The following FNDC3B variants were observed in gnomAD, a reference collection of about 807,000 sequenced individuals.
FNDC3B encodes the protein fibronectin type III domain containing 3B, also known as fibronectin type III domain-containing protein 3B.
FNDC3B carries 12 observed loss-of-function variants against 151.5 expected under a neutral mutation model. That is an observed-to-expected ratio of 0.08 (90% CI 0.05 to 0.13). The LOEUF (loss-of-function observed/expected upper bound fraction) is 0.13. FNDC3B is among the 10% of genes least tolerant of loss of function. The pLI is 1.00. For missense variants in FNDC3B, 1,214 were observed against 1,505.3 expected, an observed-to-expected ratio of 0.81 and a Z score of 3.20; for synonymous variants, 528 against 549.0, an observed-to-expected ratio of 0.96 and a Z score of 0.54.
intron 23 of FNDC3B, among the ~76,000 whole-genome samples, chr3:172,373,282 G>A (rs150425243): frequency 6.6e-6 from 1 of 152,304 alleles, no homozygotes; most frequent in East Asian, 1.9e-4. Flanking sequence ...TTGAAGCAAT[G>A]CACACTGAAG....
intron 1 of FNDC3B, among the ~76,000 whole-genome samples, chr3:172,089,207 C>A (rs952605309): frequency 6.6e-6 from 1 of 152,038 alleles, no homozygotes; most frequent in Non-Finnish European, 1.5e-5. Flanking sequence ...TAGTTCAGCA[C>A]AAATTATTAT....
rs138894067 is a variant in FNDC3B, at chr3:172,266,765, A to T, written c.790+15224A>T. Among the ~76,000 whole-genome samples, 134 of 152,280 alleles carry T rather than the reference A, an allele frequency of 8.8e-4. 1 individual carries two copies. Among genetic ancestry groups the T allele is most frequent in the African/African-American group, 3.0e-3 (125 of 41,546 alleles). ...TTAAGTCTTCCTCTGTCTCTGCCTT[A>T]TAAGAATACATGTGATCTCATTTAG... On this transcript the variant is annotated intron_variant, in intron 6 of 25. Transcript: ENST00000415807.
rs191337831 is a variant in FNDC3B, at chr3:172,296,111, T to G, written c.1001+597T>G. On this transcript the variant is annotated intron_variant, in intron 8 of 25. Coordinates refer to ENST00000415807, the MANE Select transcript of FNDC3B (RefSeq NM_022763.4). ...CTGTGTTCTAAATGTGAGAAAAATT[T>G]TAGGGCCACGTCTTTCTTCTTTGTA... is the stretch of plus-strand genomic sequence containing the variant. Among the ~76,000 whole-genome samples the G allele has an allele frequency of 5.8e-4, 89 of 152,308 alleles. 1 individual carries two copies. The highest frequency in any genetic ancestry group is 4.6e-3 in the Admixed American group (71 of 15,300).
At chr3:172,226,592 A>G (rs1726593981) in intron 3 of FNDC3B, among the ~76,000 whole-genome samples, 1 of 152,160 alleles carries the variant, frequency 6.6e-6, no homozygotes, top group Non-Finnish European at 1.5e-5. Flanking sequence ...TAACTGAGCA[A>G]TCTTGGTTTA....
In FNDC3B at chr3:172,341,095, A is replaced by T. The variant is rs757243796; in HGVS notation, c.1853-18A>T. The T allele has an allele frequency of 6.5e-7, 1 of 1,545,292 alleles. No individual in the cohort carries two copies. Among genetic ancestry groups the T allele is most frequent in the Admixed American group, 1.7e-5 (1 of 59,954 alleles). On this transcript the variant is annotated intron_variant, in intron 16 of 25. Transcript: ENST00000415807. ...TTTTACAAGAGGCATAAAGTCATGC[A>T]TAAGTCTTGTTTTACAGCGAATCAG...
chr3:172,095,016 A>G (rs746187547), intron 1 of FNDC3B, among the ~76,000 whole-genome samples: 80 of 152,078 alleles, frequency 5.3e-4, no homozygotes, highest in Middle Eastern at 3.4e-3. Flanking sequence ...GAAGAGTCAG[A>G]GGTAACAGAC....
rs1302200932 is a variant in FNDC3B at position 172,307,443 on chromosome 3, G to C, written c.1142G>C (p.Cys381Ser). The change falls in exon 10 of 26, where the codon TGT becomes TCT. Residue 381 changes from cysteine (C) to serine (S), a missense_variant. By Grantham distance (112) the Cys-to-Ser change is moderately radical. Coordinates refer to ENST00000415807, the MANE Select transcript of FNDC3B (RefSeq NM_022763.4). ...ACCACCCACAGCTGTGCACCCGAGT[G>C]TCCTTTCCCCCCTAAGCTGGCACAT... ...SFTTHSCAPECPFPPKLAHRS... is the reference protein window; with the variant it reads ...SFTTHSCAPESPFPPKLAHRS... The C allele has an allele frequency of 6.2e-7, 1 of 1,614,146 alleles. No individual in the cohort carries two copies.
chr3:172,124,733 A>G (rs1720724577), intron 2 of FNDC3B, among the ~76,000 whole-genome samples: 1 of 152,228 alleles, frequency 6.6e-6, no homozygotes, highest in Non-Finnish European at 1.5e-5. Context: ...TTGAGTGGTT[A>G]TCTGTGGACA....
At chr3:172,184,825 G>A (rs551154298) in intron 3 of FNDC3B, among the ~76,000 whole-genome samples, 28 of 152,266 alleles carry the variant, frequency 1.8e-4, no homozygotes, top group African/African-American at 6.7e-4. Flanking sequence ...ATGGTGGGGA[G>A]CAAGAATCCC....
rs71179981 is a variant in FNDC3B, at chr3:172,239,856, C to CTTTTTTTTTTTTTTTT, written c.265-7662_265-7647dup. Among the ~76,000 whole-genome samples the CTTTTTTTTTTTTTTTT allele has an allele frequency of 4.2e-4, 21 of 49,926 alleles. 5 individuals are homozygous for CTTTTTTTTTTTTTTTT. The highest frequency in any genetic ancestry group is 1.3e-3 in the Admixed American group (4 of 3,086). The allele number at this position is 49,926 out of a possible 152,430, so 32.8% of individuals were successfully genotyped here. A position where few individuals can be genotyped will look rare whatever the true frequency, so the allele number is the denominator to read the frequency against. ...TGTTTTTAGGAGATCCATTTTAGTT[C>CTTTTTTTTTTTTTTTT]TTTTTTTTTTTTTTTTTTTTTTTTT... On this transcript the variant is annotated intron_variant, in intron 4 of 25. Transcript: ENST00000415807.
chr3:172,075,704 T>C (rs1328434377), intron 1 of FNDC3B, among the ~76,000 whole-genome samples: 1 of 149,926 alleles, frequency 6.7e-6, no homozygotes, highest in Non-Finnish European at 1.5e-5. Context: ...GAGAAACATA[T>C]TTTACATTGT....
intron 1 of FNDC3B, among the ~76,000 whole-genome samples, chr3:172,075,530 AGGCTCCTT>A (rs1407105260): frequency 2.0e-5 from 3 of 152,176 alleles, no homozygotes; most frequent in African/African-American, 7.2e-5. Context: ...TAAAAGCTGA[AGGCTCCTT>A]GGCAGTGGAT....
intron 3 of FNDC3B, among the ~76,000 whole-genome samples, chr3:172,154,756 A>G (rs1559991899): frequency 6.6e-6 from 1 of 152,196 alleles, no homozygotes; most frequent in Non-Finnish European, 1.5e-5. Context: ...TACCTTTGGT[A>G]GGGTCACGGT....
At chr3:172,094,536 G>T (rs1027515171) in intron 1 of FNDC3B, among the ~76,000 whole-genome samples, 3 of 152,056 alleles carry the variant, frequency 2.0e-5, no homozygotes, top group African/African-American at 7.2e-5. Context: ...TAAGCTATGC[G>T]TCCATAAAAT....
chr3:172,170,613 G>T (rs889364316), intron 3 of FNDC3B, among the ~76,000 whole-genome samples: 8 of 152,190 alleles, frequency 5.3e-5, no homozygotes, highest in Admixed American at 5.2e-4. Context: ...AGGTGGGCTT[G>T]GCAGAGACTA....
intron 7 of FNDC3B, among the ~76,000 whole-genome samples, chr3:172,291,860 C>T (rs1730360082): frequency 6.6e-6 from 1 of 152,170 alleles, no homozygotes; most frequent in Non-Finnish European, 1.5e-5. Flanking sequence ...AGTTTCAGCA[C>T]AGGCAGACTT....
At chr3:172,092,943 T>C (rs1411383405) in intron 1 of FNDC3B, among the ~76,000 whole-genome samples, 5 of 151,748 alleles carry the variant, frequency 3.3e-5, no homozygotes, top group Admixed American at 6.6e-5. Flanking sequence ...GTAGCTGAGA[T>C]TGTGAGCTGA....
At chr3:172,157,758 A>G (rs907176246) in intron 3 of FNDC3B, among the ~76,000 whole-genome samples, 8 of 152,244 alleles carry the variant, frequency 5.3e-5, no homozygotes, top group Admixed American at 5.2e-4. Context: ...CATCATATAC[A>G]TGAATCAGTG....
intron 4 of FNDC3B, among the ~76,000 whole-genome samples, chr3:172,241,627 C>G (rs1727497149): frequency 6.6e-6 from 1 of 152,002 alleles, no homozygotes; most frequent in African/African-American, 2.4e-5. Context: ...TCTCATGAGA[C>G]TTATTCACTA....
Sources: allele counts gnomAD v4.1 joint callset (sites outside exome capture counted in the v4.1 genomes callset), GRCh38; gene constraint gnomAD v4.1.1; transcripts MANE v1.5; gene names NCBI Gene and HGNC (gene_info 2026-07-23, HGNC 2026-07-21).